PPP1R9A: variants seen among roughly 807,000 people sequenced by gnomAD.
PPP1R9A encodes protein phosphatase 1 regulatory subunit 9A, also known as neurabin-1.
Under a neutral mutation model 141.9 loss-of-function variants are expected in PPP1R9A, and 59 were observed. That is an observed-to-expected ratio of 0.42 (90% CI 0.34 to 0.52). The LOEUF (loss-of-function observed/expected upper bound fraction) is 0.52. Among genes scored for constraint, PPP1R9A ranks in the 20% least tolerant of loss-of-function variants. PPP1R9A has a pLI of 0.10. For missense variants in PPP1R9A, 1,444 were observed against 1,611.9 expected, an observed-to-expected ratio of 0.90 and a Z score of 1.78; for synonymous variants, 500 against 569.7, an observed-to-expected ratio of 0.88 and a Z score of 1.74.
intron 5 of PPP1R9A, among the ~76,000 whole-genome samples, chr7:95,170,744 A>C (rs1229926053): frequency 6.6e-6 from 1 of 151,444 alleles, no homozygotes; most frequent in Non-Finnish European, 1.5e-5. Context: ...AATAATGTAA[A>C]TAATATAAAA....
At chr7:95,075,821 A>G (rs899223430) in intron 2 of PPP1R9A, among the ~76,000 whole-genome samples, 1 of 152,080 alleles carries the variant, frequency 6.6e-6, no homozygotes, top group Non-Finnish European at 1.5e-5. Context: ...TGGGCGACAG[A>G]GCGAGACTCC....
At chr7:95,070,592 G>GGT (rs1563193272) in intron 2 of PPP1R9A, among the ~76,000 whole-genome samples, 29 of 64,416 alleles carry the variant, frequency 4.5e-4, no homozygotes, top group African/African-American at 2.1e-3. Context: ...TTAAATCTCT[G>GGT]GTATATATAT....
chr7:95,028,834 C>T (rs1303010863), intron 2 of PPP1R9A, among the ~76,000 whole-genome samples: 3 of 152,160 alleles, frequency 2.0e-5, no homozygotes, highest in African/African-American at 7.2e-5. Context: ...GACATAATAG[C>T]CCTCTTTGAG....
chr7:95,235,503 C>CA (rs1353170959), intron 8 of PPP1R9A, among the ~76,000 whole-genome samples: 1 of 151,878 alleles, frequency 6.6e-6, no homozygotes, highest in Non-Finnish European at 1.5e-5. Context: ...TGGCCATAAT[C>CA]AAAAAATCAA....
At chr7:94,981,257 A>G (rs569420903) in intron 2 of PPP1R9A, among the ~76,000 whole-genome samples, 5 of 152,090 alleles carry the variant, frequency 3.3e-5, no homozygotes, top group Non-Finnish European at 5.9e-5. Flanking sequence ...TTTTTGAGAC[A>G]CAGTCTCACT....
intron 4 of PPP1R9A, among the ~76,000 whole-genome samples, chr7:95,142,360 A>G (rs1826855391): frequency 6.6e-6 from 1 of 151,930 alleles, no homozygotes; most frequent in Non-Finnish European, 1.5e-5. Flanking sequence ...ATTTTGATGA[A>G]GTTCAATTCA....
At chr7:95,255,360 T>C (rs1381586613) in intron 12 of PPP1R9A, among the ~76,000 whole-genome samples, 1 of 152,130 alleles carries the variant, frequency 6.6e-6, no homozygotes, top group East Asian at 1.9e-4. Context: ...TGAAGGCTGG[T>C]TTGCTAAAGG....
chr7:95,265,062 CA>C (rs1444899563), intron 12 of PPP1R9A, among the ~76,000 whole-genome samples: 3 of 152,156 alleles, frequency 2.0e-5, no homozygotes, highest in African/African-American at 7.2e-5. Context: ...ACAAAACTGA[CA>C]GCTATTTTTC....
chr7:95,119,357 A>G (rs182886542), intron 3 of PPP1R9A, among the ~76,000 whole-genome samples: 1 of 152,374 alleles, frequency 6.6e-6, no homozygotes. Context: ...AAATGTGAAT[A>G]CAGAATGGTT....
chr7:95,103,789 T>TA (rs889012923), intron 2 of PPP1R9A, among the ~76,000 whole-genome samples: 16 of 152,330 alleles, frequency 1.1e-4, no homozygotes, highest in African/African-American at 3.8e-4. Flanking sequence ...ACTTCTCGTG[T>TA]AAAAATATGA....
At chr7:94,911,619 TTG>T (rs1791458612) in intron 2 of PPP1R9A, 111 bp downstream of exon 2, 2 of 783,668 alleles carry the variant, frequency 2.6e-6, no homozygotes, top group South Asian at 1.9e-5. Flanking sequence ...GGATTCAAGA[TTG>T]TTGATACCTT....
At chr7:94,913,160 A>T (rs1354304739) in intron 2 of PPP1R9A, among the ~76,000 whole-genome samples, 6 of 152,148 alleles carry the variant, frequency 3.9e-5, no homozygotes, top group Non-Finnish European at 5.9e-5. Context: ...TATCAAGTAG[A>T]CCACTACCCA....
At chr7:95,083,096 T>A (rs986666743) in intron 2 of PPP1R9A, among the ~76,000 whole-genome samples, 1 of 151,824 alleles carries the variant, frequency 6.6e-6, no homozygotes, top group African/African-American at 2.4e-5. Context: ...ATGGCTGTGG[T>A]CCCATAACAA....
intron 5 of PPP1R9A, among the ~76,000 whole-genome samples, chr7:95,197,577 A>C (rs1215524987): frequency 1.3e-5 from 2 of 152,132 alleles, no homozygotes; most frequent in Non-Finnish European, 2.9e-5. Context: ...AAAAACACTT[A>C]AGTTTTCCTT....
intron 2 of PPP1R9A, among the ~76,000 whole-genome samples, chr7:95,016,841 C>T (rs35615115): frequency 0.073 from 11,148 of 152,174 alleles, 502 homozygotes; most frequent in East Asian, 0.14. Flanking sequence ...TGGATTGAAT[C>T]GTGTACCTCA....
intron 2 of PPP1R9A, among the ~76,000 whole-genome samples, chr7:94,924,469 CTT>C (rs1339345777): frequency 2.0e-5 from 3 of 152,112 alleles, no homozygotes; most frequent in African/African-American, 7.2e-5. Flanking sequence ...GGTTTTGACT[CTT>C]ATTACCTAAT....
intron 8 of PPP1R9A, among the ~76,000 whole-genome samples, chr7:95,239,845 A>G (rs149032406): frequency 0.015 from 2,247 of 151,928 alleles, 24 homozygotes; most frequent in Non-Finnish European, 0.021. Flanking sequence ...TTTGAATTCA[A>G]ATAATCATTT....
intron 4 of PPP1R9A, among the ~76,000 whole-genome samples, chr7:95,123,167 A>G (rs1245173287): frequency 6.6e-6 from 1 of 152,088 alleles, no homozygotes; most frequent in Admixed American, 6.5e-5. Context: ...TTTGCTTTCT[A>G]TTAACCTATT....
chr7:95,188,002 T>TA (rs1208737494), intron 5 of PPP1R9A, among the ~76,000 whole-genome samples: 5 of 152,194 alleles, frequency 3.3e-5, no homozygotes, highest in Non-Finnish European at 5.9e-5. Flanking sequence ...GAATGTTCTC[T>TA]AAATATCTGT....
Sources: allele counts gnomAD v4.1 joint callset (sites outside exome capture counted in the v4.1 genomes callset), GRCh38; gene constraint gnomAD v4.1.1; transcripts MANE v1.5; gene names NCBI Gene and HGNC (gene_info 2026-07-23, HGNC 2026-07-21).